Variants in GNPTAB observed in about 807,000 individuals in gnomAD.
GNPTAB encodes N-acetylglucosamine-1-phosphate transferase subunits alpha and beta.
A neutral mutation model predicts 136.6 loss-of-function variants in GNPTAB; 92 were observed. The ratio of observed to expected loss-of-function variants is 0.67; its 90% CI spans 0.57 to 0.80. The LOEUF is 0.80. Ranked by LOEUF, GNPTAB falls within the 30% of genes least tolerant of loss-of-function variation. GNPTAB has a pLI of 0.00. For missense variants in GNPTAB, 1,343 were observed against 1,501.8 expected, an observed-to-expected ratio of 0.89 and a Z score of 1.75; for synonymous variants, 512 against 535.1, an observed-to-expected ratio of 0.96 and a Z score of 0.60.
At chr12:101,830,061 AC>A (rs1420595397) in intron 1 of GNPTAB, among the ~76,000 whole-genome samples, 1 of 152,100 alleles carries the variant, frequency 6.6e-6, no homozygotes, top group Non-Finnish European at 1.5e-5. Flanking sequence ...CAGATTTCAA[AC>A]CACTTAAAAA....
intron 18 of GNPTAB, among the ~76,000 whole-genome samples, chr12:101,753,945 T>C (rs1185673216): frequency 6.6e-6 from 1 of 151,468 alleles, no homozygotes; most frequent in Admixed American, 6.6e-5. Flanking sequence ...AGGTCAGGAG[T>C]TTGAGACCAG....
chr12:101,823,769 A>C (rs2137189229), intron 1 of GNPTAB, among the ~76,000 whole-genome samples: 1 of 152,324 alleles, frequency 6.6e-6, no homozygotes, highest in Non-Finnish European at 1.5e-5. Context: ...TCACTGAAAG[A>C]TTTATAACGG....
At chr12:101,765,899 C>T in intron 12 of GNPTAB, 192 bp downstream of exon 12, 1 of 589,066 alleles carries the variant, frequency 1.7e-6, no homozygotes, top group Non-Finnish European at 3.1e-6. Context: ...CACCAGACTG[C>T]AACAATAACA....
intron 7 of GNPTAB, among the ~76,000 whole-genome samples, chr12:101,777,520 T>G (rs1953277569): frequency 6.6e-6 from 1 of 152,198 alleles, no homozygotes; most frequent in Admixed American, 6.5e-5. Flanking sequence ...CTACATAGAA[T>G]GGTCTCTTCT....
chr12:101,759,117 A>T (rs1422442246), intron 16 of GNPTAB, among the ~76,000 whole-genome samples: 1 of 152,190 alleles, frequency 6.6e-6, no homozygotes, highest in Non-Finnish European at 1.5e-5. Context: ...TAATCCCGGC[A>T]CTTTGGGATG....
intron 19 of GNPTAB, among the ~76,000 whole-genome samples, chr12:101,750,243 C>T (rs1952796162): frequency 6.6e-6 from 1 of 152,188 alleles, no homozygotes; most frequent in South Asian, 2.1e-4. Context: ...ATGCTAGTAA[C>T]TACCAAACTC....
At chr12:101,814,653 T>C (rs1025518335) in intron 1 of GNPTAB, among the ~76,000 whole-genome samples, 1 of 147,876 alleles carries the variant, frequency 6.8e-6, no homozygotes, top group African/African-American at 2.5e-5. Flanking sequence ...GCCGGGACCA[T>C]GTCACTGCAC....
chr12:101,787,626 C>A (rs1248702145), intron 4 of GNPTAB, among the ~76,000 whole-genome samples: 1 of 152,080 alleles, frequency 6.6e-6, no homozygotes, highest in Non-Finnish European at 1.5e-5. Flanking sequence ...TTAGAAGGCA[C>A]TTCTGAGGCC....
intron 7 of GNPTAB, among the ~76,000 whole-genome samples, chr12:101,777,515 T>C (rs1400737174): frequency 2.0e-5 from 3 of 152,168 alleles, no homozygotes; most frequent in Non-Finnish European, 4.4e-5. Context: ...TCCCTCTACA[T>C]AGAATGGTCT....
intron 1 of GNPTAB, among the ~76,000 whole-genome samples, chr12:101,815,672 G>C (rs1233194952): frequency 6.7e-6 from 1 of 150,036 alleles, no homozygotes; most frequent in Non-Finnish European, 1.5e-5. Flanking sequence ...TTTACTTTCA[G>C]GTCTTTGTAC....
chr12:101,824,870 T>G (rs1211380756), intron 1 of GNPTAB, among the ~76,000 whole-genome samples: 1 of 152,176 alleles, frequency 6.6e-6, no homozygotes, highest in Non-Finnish European at 1.5e-5. Flanking sequence ...CTAGCTGCAA[T>G]GTTAAACCAC....
chr12:101,816,146 G>T (rs1312450221), intron 1 of GNPTAB, among the ~76,000 whole-genome samples: 3 of 152,074 alleles, frequency 2.0e-5, no homozygotes, highest in African/African-American at 7.2e-5. Context: ...GAGACTTACG[G>T]AGTAAGACCT....
intron 1 of GNPTAB, among the ~76,000 whole-genome samples, chr12:101,819,016 CT>C (rs112486354): frequency 1.4e-3 from 198 of 145,120 alleles, no homozygotes; most frequent in Non-Finnish European, 1.4e-3. Flanking sequence ...ACTCTTTTTC[CT>C]TTTTTTTTTT....
chr12:101,780,423 C>CTAATATT (rs1953324709), intron 6 of GNPTAB, 134 bp downstream of exon 6: 1 of 1,110,986 alleles, frequency 9.0e-7, no homozygotes, highest in East Asian at 2.5e-5. Context: ...CTTGAATCAA[C>CTAATATT]AGTCATTAAT....
At chr12:101,780,814 G>A (rs1422902080) in intron 5 of GNPTAB, among the ~76,000 whole-genome samples, 193 bp from the exon 6 acceptor site, 1 of 152,196 alleles carries the variant, frequency 6.6e-6, no homozygotes, top group Non-Finnish European at 1.5e-5. Flanking sequence ...ACGTTGAAAT[G>A]TTAAATTTCA....
chr12:101,749,959 CATAATCAGG>C (rs1220017333), intron 19 of GNPTAB, among the ~76,000 whole-genome samples: 2 of 152,136 alleles, frequency 1.3e-5, no homozygotes, highest in African/African-American at 4.8e-5. Context: ...GTATGTGTGA[CATAATCAGG>C]GTAAACATGT....
At chr12:101,781,834 A>G (rs1488384568) in intron 5 of GNPTAB, among the ~76,000 whole-genome samples, 1 of 152,204 alleles carries the variant, frequency 6.6e-6, no homozygotes, top group Non-Finnish European at 1.5e-5. Context: ...CTTTCCATTG[A>G]TATGATGAAT....
intron 7 of GNPTAB, among the ~76,000 whole-genome samples, chr12:101,771,816 A>T (rs148599395): frequency 6.6e-6 from 1 of 152,144 alleles, no homozygotes; most frequent in African/African-American, 2.4e-5. Flanking sequence ...ATGATTTTTG[A>T]CTTCTTTGCA....
intron 1 of GNPTAB, among the ~76,000 whole-genome samples, chr12:101,816,419 A>G (rs1870510754): frequency 6.6e-6 from 1 of 152,244 alleles, no homozygotes. Context: ...AAGAAGACAC[A>G]TGTAAGTGGC....
Sources: allele counts gnomAD v4.1 joint callset (sites outside exome capture counted in the v4.1 genomes callset), GRCh38; gene constraint gnomAD v4.1.1; transcripts MANE v1.5; gene names NCBI Gene and HGNC (gene_info 2026-07-23, HGNC 2026-07-21).